The following PKP1 variants were observed in gnomAD, a reference collection of about 807,000 sequenced individuals.
PKP1 encodes plakophilin 1, also known as plakophilin-1.
In PKP1, 27 loss-of-function variants were observed where a neutral mutation model predicts 76.4. The ratio of observed to expected loss-of-function variants is 0.35; its 90% confidence interval spans 0.26 to 0.49. The LOEUF (loss-of-function observed/expected upper bound fraction) is 0.49, where lower values mean the gene tolerates loss of function less well. PKP1 is among the 20% of genes least tolerant of loss of function. PKP1 has a pLI of 0.99. For synonymous variants in PKP1, 404 were observed against 384.2 expected (o/e 1.05, Z -0.60); for missense variants, 964 against 955.2 (o/e 1.01, Z -0.12).
intron 2 of PKP1, among the ~76,000 whole-genome samples, chr1:201,302,525 G>A (rs1395197082): frequency 1.3e-5 from 2 of 152,164 alleles, no homozygotes; most frequent in African/African-American, 4.8e-5. Flanking sequence ...TAGACTCAGC[G>A]AGACAAATGC....
intron 1 of PKP1, among the ~76,000 whole-genome samples, chr1:201,290,548 C>G (rs1256466853): frequency 6.6e-6 from 1 of 152,148 alleles, no homozygotes; most frequent in Non-Finnish European, 1.5e-5. Context: ...AGAGCTGCAG[C>G]AGCCCTCCTC....
At chr1:201,325,947 C>T (rs1254573441) in intron 12 of PKP1, 109 bp downstream of exon 12, 13 of 767,672 alleles carry the variant, frequency 1.7e-5, no homozygotes, top group East Asian at 1.6e-4. Context: ...CCCTGCCCTT[C>T]GGGACAGTCT....
At chr1:201,292,017 G>A (rs1220994306) in intron 1 of PKP1, among the ~76,000 whole-genome samples, 1 of 152,240 alleles carries the variant, frequency 6.6e-6, no homozygotes, top group Admixed American at 6.5e-5. Context: ...GGAAGCCAGA[G>A]GTTCAATGGG....
intron 1 of PKP1, among the ~76,000 whole-genome samples, chr1:201,288,429 A>C (rs940810425): frequency 6.6e-6 from 1 of 152,168 alleles, no homozygotes; most frequent in Non-Finnish European, 1.5e-5. Context: ...AATTTCAAAC[A>C]ACACAAATGC....
intron 2 of PKP1, among the ~76,000 whole-genome samples, chr1:201,303,977 C>T (rs1416790333): frequency 6.6e-6 from 1 of 152,206 alleles, no homozygotes; most frequent in Non-Finnish European, 1.5e-5. Context: ...TTTTAACTGG[C>T]ACATTTAAGG....
chr1:201,308,611 G>A (rs1250304594), intron 2 of PKP1, among the ~76,000 whole-genome samples: 3 of 152,184 alleles, frequency 2.0e-5, no homozygotes, highest in African/African-American at 7.2e-5. Context: ...TGCAGGTGAG[G>A]AAAAGCTGTC....
chr1:201,286,450 G>A (rs1006630340), intron 1 of PKP1, among the ~76,000 whole-genome samples: 1 of 152,236 alleles, frequency 6.6e-6, no homozygotes, highest in Non-Finnish European at 1.5e-5. Context: ...GATAGAAGTG[G>A]CTTCTCAGTT....
At chr1:201,327,359 G>A (rs854508) in intron 12 of PKP1, among the ~76,000 whole-genome samples, 75,405 of 151,966 alleles carry the variant, frequency 0.5, 22,719 homozygotes, top group East Asian at 0.74. Context: ...GGGGACAATA[G>A]GGAGACTCAT....
At chr1:201,303,452 G>A (rs1374246081) in intron 2 of PKP1, among the ~76,000 whole-genome samples, 2 of 152,150 alleles carry the variant, frequency 1.3e-5, no homozygotes, top group African/African-American at 4.8e-5. Flanking sequence ...ATTTTGAAAG[G>A]AAACTTTATA....
At chr1:201,300,842 AG>A (rs1656208591) in intron 2 of PKP1, among the ~76,000 whole-genome samples, 1 of 152,178 alleles carries the variant, frequency 6.6e-6, no homozygotes, top group South Asian at 2.1e-4. Context: ...CGGCTCCTGG[AG>A]GAGCTGAGCT....
intron 2 of PKP1, among the ~76,000 whole-genome samples, chr1:201,306,746 C>A (rs1247832257): frequency 2.6e-5 from 4 of 152,146 alleles, no homozygotes; most frequent in Admixed American, 1.3e-4. Context: ...GCAATCTCAG[C>A]TCACTGCAAG....
At chr1:201,319,994 T>TGCA in intron 6 of PKP1, 2 of 1,153,702 alleles carry the variant, frequency 1.7e-6, no homozygotes, top group Non-Finnish European at 1.3e-6. Flanking sequence ...AGACCTCATT[T>TGCA]CAGCCTCAGC....
chr1:201,317,859 C>T, intron 5 of PKP1, 80 bp downstream of exon 5: 1 of 1,356,362 alleles, frequency 7.4e-7, no homozygotes, highest in Non-Finnish European at 1.0e-6. Context: ...GGGTGCAAGC[C>T]TGTCTCTCCA....
Position 201,328,885 on chromosome 1 carries a change from C to T in PKP1, c.*32+17C>T, listed in dbSNP as rs1437516318. 2.1e-6 allele frequency: 3 copies of T among 1,455,396 alleles called. No homozygotes were observed. Among genetic ancestry groups the T allele is most frequent in the Non-Finnish European group, 2.9e-6 (3 of 1,035,186 alleles). The allele number at this position is 1,455,396 out of a possible 1,614,324, so 90.2% of individuals were successfully genotyped here. A position where few individuals can be genotyped will look rare whatever the true frequency, so the allele number is the denominator to read the frequency against. On this transcript the variant is annotated intron_variant, in intron 13 of 13. Coordinates refer to ENST00000367324, the MANE Select transcript of PKP1 (RefSeq NM_001005337.3). ...GGCTTGCAGGTAAGAATCACCCCAC[C>T]CTCAGGGATGCCTCTGGGACCACTG...
intron 3 of PKP1, 93 bp from the exon 4 acceptor site, chr1:201,316,460 T>C (rs1650164095): frequency 7.4e-7 from 1 of 1,353,056 alleles, no homozygotes; most frequent in Non-Finnish European, 1.0e-6. Flanking sequence ...CAGATGAGGC[T>C]GTGGCAGCTT....
At chr1:201,285,546 A>T (rs1447218259) in intron 1 of PKP1, among the ~76,000 whole-genome samples, 1 of 152,100 alleles carries the variant, frequency 6.6e-6, no homozygotes, top group Non-Finnish European at 1.5e-5. Flanking sequence ...CTTTAGAATT[A>T]GGTTTGGAAT....
intron 1 of PKP1, among the ~76,000 whole-genome samples, chr1:201,289,168 T>G (rs1027578782): frequency 3.9e-5 from 6 of 152,280 alleles, no homozygotes; most frequent in East Asian, 3.9e-4. Context: ...CACAGTCCAC[T>G]CCTGCCCACT....
At position 201,323,230 on chromosome 1, in the gene PKP1, C is replaced by T. The variant is rs1779286; in HGVS notation, c.1680+41C>T. The T allele has an allele frequency of 2.2e-5, 35 of 1,583,414 alleles. No individual in the cohort carries two copies. In the African/African-American group the frequency reaches 4.7e-4, roughly 21 times the overall value. On this transcript the variant is annotated intron_variant, in intron 9 of 13. Transcript: ENST00000367324. ...CCTTCTCTACTGCAGCAGCCCCATC[C>T]TCCAGCCACCGTCCAGCCTCTGCTC...
At position 201,283,656 on chromosome 1, in the gene PKP1, C is replaced by T. The variant is rs1343889056; in HGVS notation, c.-47C>T. The T allele has an allele frequency of 2.6e-6, 4 of 1,545,734 alleles. No individual in the cohort carries two copies. In the African/African-American group the frequency reaches 4.1e-5, roughly 16 times the overall value. ...CGCTGCACCGCACCTCGCCTCGCCT[C>T]TCTGCTCTCCTAGGCCCCGGCCGCG... On this transcript the variant is annotated 5_prime_UTR_variant, in exon 1 of 14. Transcript: ENST00000367324.
Sources: allele counts gnomAD v4.1 joint callset (sites outside exome capture counted in the v4.1 genomes callset), GRCh38; gene constraint gnomAD v4.1.1; transcripts MANE v1.5; gene names NCBI Gene and HGNC (gene_info 2026-07-23, HGNC 2026-07-21).